The following PPM1N variants were observed in gnomAD, a reference collection of about 807,000 sequenced individuals.
PPM1N encodes protein phosphatase, Mg2+/Mn2+ dependent 1N (putative), also known as probable protein phosphatase 1N.
Under a neutral mutation model 32.6 loss-of-function variants are expected in PPM1N, and 35 were observed. The observed-to-expected ratio is 1.07, with a 90% confidence interval of 0.82 to 1.43. The LOEUF (loss-of-function observed/expected upper bound fraction) is 1.43. Ranked by LOEUF, PPM1N falls within the 40% of genes most tolerant of loss-of-function variation. The pLI is 0.00. For synonymous variants in PPM1N, 275 were observed against 270.5 expected (o/e 1.02, Z -0.16); for missense variants, 648 against 606.6 (o/e 1.07, Z -0.72).
chr19:45,502,369 A>C lies in PPM1N; in HGVS notation c.*284A>C. 1.8e-6 allele frequency: 1 copy of C among 547,726 alleles called. No homozygotes were observed. The highest frequency in any genetic ancestry group is 3.1e-6 in the Non-Finnish European group (1 of 320,348). The allele number at this position is 547,726 out of a possible 1,614,324, so 33.9% of individuals were successfully genotyped here. ...CCAACCAAATGTTTTTGAAATATTC[A>C]GAGCCGAACAGATTCTGAGAGATAA... On this transcript the variant is annotated 3_prime_UTR_variant, in exon 5 of 5. Coordinates refer to ENST00000451287, the MANE Select transcript of PPM1N (RefSeq NM_001080401.2).
At chr19:45,500,088 A>T (rs771336269) in intron 2 of PPM1N, 22 bp downstream of exon 2, 3 of 1,566,156 alleles carry the variant, frequency 1.9e-6, no homozygotes, top group Admixed American at 1.9e-5. Context: ...CTGGGGGCCC[A>T]GCTGGAGGGG....
chr19:45,500,906 G>T (rs1162536828), intron 4 of PPM1N, among the ~76,000 whole-genome samples, 196 bp downstream of exon 4: 6 of 146,166 alleles, frequency 4.1e-5, no homozygotes, highest in Non-Finnish European at 9.0e-5. Flanking sequence ...TTTTTAGACT[G>T]GGTCTCACTA....
At chr19:45,499,488 G>T (rs781484985) in intron 1 of PPM1N, 77 bp downstream of exon 1, 11 of 1,591,038 alleles carry the variant, frequency 6.9e-6, no homozygotes, top group Non-Finnish European at 9.4e-6. Flanking sequence ...GGGGAGGAGG[G>T]CTTTGATAGA....
chr19:45,500,602 G>A (rs751370880), intron 3 of PPM1N, 41 bp downstream of exon 3: 1 of 1,589,696 alleles, frequency 6.3e-7, no homozygotes, highest in Admixed American at 1.8e-5. Flanking sequence ...ATGAGGGTGG[G>A]GTGGAAGGAG....
At position 45,500,350 on chromosome 19, in the gene PPM1N, G is replaced by C. The variant is rs1968392112; in HGVS notation, c.1058-106G>C. 4 of 1,016,824 alleles carry C rather than the reference G, an allele frequency of 3.9e-6. No individual in the cohort carries two copies. The Admixed American group carries it at 6.5e-5, about 17-fold the overall frequency. 63.0% of individuals were successfully genotyped at this position (1,016,824 alleles called of 1,614,324 possible). ...GGGTTTCACGATGTTGTCCAGGCTGGTCTCGAACCCCTGGCCTCAAGTGAT... is the reference window on the plus strand; with the variant it reads ...GGGTTTCACGATGTTGTCCAGGCTGCTCTCGAACCCCTGGCCTCAAGTGAT... On this transcript the variant is annotated intron_variant, in intron 2 of 4. Transcript: ENST00000451287.
rs1968343185 is a variant in PPM1N, at chr19:45,498,562, G to A, written c.90G>A (p.Glu30=). Reference sequence around the variant, plus strand: ...AGAAGGAGGGGAGGGAGGAAGAGGAGGAGGAGGAGGCGGGGCGCAGGGCCC... The same window carrying A: ...AGAAGGAGGGGAGGGAGGAAGAGGAAGAGGAGGAGGCGGGGCGCAGGGCCC... ...EREKEGREEE[E]EEEAGRRAPE... Residue 30 remains glutamate (E), a synonymous_variant, in exon 1 of 5, where the codon GAG becomes GAA. Transcript: ENST00000451287. 1.4e-6 allele frequency: 2 copies of A among 1,462,166 alleles called. No homozygotes were observed. The highest frequency in any genetic ancestry group is 3.0e-5 in the African/African-American group (2 of 67,308). 90.6% of individuals were successfully genotyped at this position (1,462,166 alleles called of 1,614,324 possible). A position where few individuals can be genotyped will look rare whatever the true frequency, so the allele number is the denominator to read the frequency against.
In PPM1N at chr19:45,499,048, C is replaced by A. The variant is rs748772345; in HGVS notation, c.576C>A (p.Ala192=). The change falls in exon 1 of 5, where the codon GCC becomes GCA. Residue 192 remains alanine, a synonymous_variant. Coordinates refer to ENST00000451287, the MANE Select transcript of PPM1N (RefSeq NM_001080401.2). ...DSRAVLSRAG[A]VAFSTEDHRP... ...GCGCGGTGCTGAGCCGCGCTGGCGCCGTGGCCTTCAGCACAGAGGACCACC... is the reference window on the plus strand; with the variant it reads ...GCGCGGTGCTGAGCCGCGCTGGCGCAGTGGCCTTCAGCACAGAGGACCACC... 2.0e-6 allele frequency: 3 copies of A among 1,534,764 alleles called. No individual in the cohort carries two copies. In the African/African-American group the frequency reaches 4.2e-5, roughly 21 times the overall value.
At position 45,498,893 on chromosome 19, in the gene PPM1N, C is replaced by A; in HGVS notation, c.421C>A (p.Arg141Ser). ...GCCCGAGGGCGTGCGCGAGGCGCTG[C>A]GCCGAGCCTTCTTGAGCGCCGACGA... ...SEPEGVREAL[R>S]RAFLSADERL... is the part of the protein sequence containing the mutation. Residue 141 changes from arginine (R) to serine (S), a missense_variant, in exon 1 of 5, where the codon CGC (arginine) becomes AGC (serine). Coordinates refer to ENST00000451287, the MANE Select transcript of PPM1N (RefSeq NM_001080401.2). The A allele has an allele frequency of 6.6e-7, 1 of 1,521,674 alleles. No homozygotes were observed. The allele number at this position is 1,521,674 out of a possible 1,614,324, so 94.3% of individuals were successfully genotyped here. A position where few individuals can be genotyped will look rare whatever the true frequency, so the allele number is the denominator to read the frequency against.
At position 45,498,711 on chromosome 19, in the gene PPM1N, A is replaced by T; in HGVS notation, c.239A>T (p.Glu80Val). The T allele has an allele frequency of 6.6e-7, 1 of 1,523,312 alleles. No homozygotes were observed. The allele number at this position is 1,523,312 out of a possible 1,614,324, so 94.4% of individuals were successfully genotyped here. ...SAAQGWRARMEDAHCTWLSLP... is the reference protein window; with the variant it reads ...SAAQGWRARMVDAHCTWLSLP... ...GCGCAAGGCTGGCGCGCGCGCATGGAGGATGCTCACTGCACTTGGCTTTCG... is the reference window on the plus strand; with the variant it reads ...GCGCAAGGCTGGCGCGCGCGCATGGTGGATGCTCACTGCACTTGGCTTTCG... The change falls in exon 1 of 5, where the codon GAG becomes GTG. Residue 80 changes from glutamate to valine, a missense_variant. Transcript: ENST00000451287.
Position 45,502,080 on chromosome 19 carries a change from G to T in PPM1N, c.1288G>T (p.Ala430Ser), listed in dbSNP as rs760426245. 1 of 1,582,520 alleles carries T rather than the reference G, an allele frequency of 6.3e-7. No individual in the cohort carries two copies. The highest frequency in any genetic ancestry group is 1.2e-5 in the South Asian group (1 of 86,514). ...TTTGGGCTCAGCCTTGGACATGGAGGCCTGACAGCTGTTGTCCTTTGGGGA... is the reference window on the plus strand; with the variant it reads ...TTTGGGCTCAGCCTTGGACATGGAGTCCTGACAGCTGTTGTCCTTTGGGGA... ...THLGSALDME[A>S] Residue 430 changes from alanine (A) to serine (S), a missense_variant, in exon 5 of 5, where the codon GCC becomes TCC. Ala to Ser is a moderately conservative substitution (Grantham distance 99). Coordinates refer to ENST00000451287, the MANE Select transcript of PPM1N (RefSeq NM_001080401.2).
At position 45,499,217 on chromosome 19, in the gene PPM1N, C is replaced by A. The variant is rs1435033636; in HGVS notation, c.745C>A (p.Gln249Lys). ...GGCTCCGGGGAGGCCCCCCGAGCTA[C>A]AGCTCGTTTCTGCGGAGCCAGAGGT... The part of the protein sequence containing the change: ...KEAPGRPPEL[Q>K]LVSAEPEVAA... Residue 249 changes from glutamine to lysine, a missense_variant, in exon 1 of 5, where the codon CAG becomes AAG. Coordinates refer to ENST00000451287, the MANE Select transcript of PPM1N (RefSeq NM_001080401.2). 5.1e-6 allele frequency: 8 copies of A among 1,577,226 alleles called. No individual in the cohort carries two copies. The highest frequency in any genetic ancestry group is 6.9e-6 in the Non-Finnish European group (8 of 1,166,654).
chr19:45,498,979 G>C lies in PPM1N; in HGVS notation c.507G>C (p.Leu169=). 1 of 1,562,954 alleles carries C rather than the reference G, an allele frequency of 6.4e-7. No homozygotes were observed. The highest frequency in any genetic ancestry group is 8.6e-7 in the Non-Finnish European group (1 of 1,163,744). Residue 169 remains leucine (L), a synonymous_variant, in exon 1 of 5, where the codon CTG becomes CTC. Transcript: ENST00000451287. ...ETGGCTAVVL[L]VSPRFLYLAH... ...GCGGCTGCACGGCCGTGGTGTTGCT[G>C]GTCTCCCCGCGGTTTCTGTACCTGG...
Position 45,498,837 on chromosome 19 carries a change from T to G in PPM1N, c.365T>G (p.Val122Gly), listed in dbSNP as rs760903117. The G allele has an allele frequency of 4.5e-6, 7 of 1,540,152 alleles. No individual in the cohort carries two copies. In the Admixed American group the frequency reaches 9.8e-5, roughly 22 times the overall value. The change falls in exon 1 of 5, where the codon GTG becomes GGG. Residue 122 changes from valine (V) to glycine (G), a missense_variant. Transcript: ENST00000451287. ...RFGARHLPGH[V>G]LQELGPEPSE... The stretch of plus-strand genomic sequence containing the variant: ...GGTGCACGCCATTTGCCAGGCCATG[T>G]GCTCCAGGAGCTGGGCCCGGAGCCT...
At chr19:45,501,973 A>C (rs756776454) in intron 4 of PPM1N, 44 bp from the exon 5 acceptor site, 3 of 1,310,384 alleles carry the variant, frequency 2.3e-6, no homozygotes, top group African/African-American at 1.6e-5. Flanking sequence ...GCCAGGAGAC[A>C]AGACAGAATT....
chr19:45,501,706 T>C (rs1968416446), intron 4 of PPM1N, among the ~76,000 whole-genome samples: 1 of 152,152 alleles, frequency 6.6e-6, no homozygotes, highest in Admixed American at 6.6e-5. Context: ...CCTCCTAAGG[T>C]AGCGGAGACT....
intron 1 of PPM1N, 66 bp from the exon 2 acceptor site, chr19:45,499,883 G>T (rs1301760457): frequency 7.2e-6 from 11 of 1,532,606 alleles, no homozygotes; most frequent in African/African-American, 1.4e-5. Context: ...CTTGAACCTG[G>T]GGATTGTTGG....
intron 4 of PPM1N, 98 bp from the exon 5 acceptor site, chr19:45,501,919 T>C: frequency 1.3e-6 from 1 of 788,476 alleles, no homozygotes; most frequent in East Asian, 3.1e-5. Context: ...CTTAATGGAT[T>C]GTGAGATGGG....
intron 4 of PPM1N, 139 bp downstream of exon 4, chr19:45,500,849 TTC>T (rs1057142753): frequency 2.5e-5 from 17 of 671,048 alleles, no homozygotes; most frequent in African/African-American, 1.5e-4. Flanking sequence ...TCTTCTTTCT[TTC>T]TCTTTTTTTC....
rs752247804 is a variant in PPM1N, at chr19:45,500,512, G to A, written c.1114G>A (p.Ala372Thr). 2.5e-6 allele frequency: 4 copies of A among 1,611,872 alleles called. No homozygotes were observed. The change falls in exon 3 of 5, where the codon GCC becomes ACC. Residue 372 changes from alanine (A) to threonine (T), a missense_variant. By Grantham distance (58) the Ala-to-Thr change is moderately conservative. Coordinates refer to ENST00000451287, the MANE Select transcript of PPM1N (RefSeq NM_001080401.2). ...PSLNTVFRTL[A>T]SEDIPDLPPG... ...CCTGAACACAGTTTTCAGGACTCTGGCCTCAGAGGACATCCCAGATTTACC... is the reference window on the plus strand; with the variant it reads ...CCTGAACACAGTTTTCAGGACTCTGACCTCAGAGGACATCCCAGATTTACC...
Sources: gnomAD v4.1 joint callset for allele counts (sites outside exome capture counted in the v4.1 genomes callset) on GRCh38, gnomAD v4.1.1 for gene constraint, MANE v1.5 for transcripts, NCBI Gene and HGNC (gene_info 2026-07-23, HGNC 2026-07-21) for gene names.